The following PHLDB3 variants were observed in gnomAD, a reference collection of about 807,000 sequenced individuals.
The protein encoded by PHLDB3 is pleckstrin homology-like domain family B member 3.
In PHLDB3, 86 loss-of-function variants were observed where a neutral mutation model predicts 85.7. The observed-to-expected ratio is 1.00, with a 90% CI of 0.84 to 1.20. The LOEUF (loss-of-function observed/expected upper bound fraction) is 1.20, where lower values mean the gene tolerates loss of function less well. PHLDB3 is among the 50% of genes most tolerant of loss of function. The probability of loss-of-function intolerance (pLI) is 0.00; values close to 1 mark genes in which losing one functional copy is unlikely to be tolerated. For synonymous variants in PHLDB3, 376 were observed against 349.8 expected, an observed-to-expected ratio of 1.07 and a Z score of -0.83; for missense variants, 995 against 873.0, an observed-to-expected ratio of 1.14 and a Z score of -1.76.
intron 4 of PHLDB3, among the ~76,000 whole-genome samples, chr19:43,499,864 C>T (rs1019820136): frequency 1.3e-5 from 2 of 152,070 alleles, no homozygotes; most frequent in African/African-American, 4.8e-5. Flanking sequence ...CTCAGCCTCC[C>T]GAATAGCTGG....
intron 15 of PHLDB3, among the ~76,000 whole-genome samples, chr19:43,476,330 C>A (rs1212335362): frequency 6.6e-6 from 1 of 152,062 alleles, no homozygotes; most frequent in Non-Finnish European, 1.5e-5. Flanking sequence ...TGGGTTGATG[C>A]GTACCCATTC....
intron 9 of PHLDB3, among the ~76,000 whole-genome samples, chr19:43,492,754 A>G (rs1971350923): frequency 6.6e-6 from 1 of 152,164 alleles, no homozygotes. Context: ...TGCCTATAAC[A>G]TGGAAACAAG....
intron 9 of PHLDB3, among the ~76,000 whole-genome samples, chr19:43,492,005 G>C (rs1371895451): frequency 6.7e-6 from 1 of 148,832 alleles, no homozygotes; most frequent in African/African-American, 2.5e-5. Flanking sequence ...ACCCAGGCTG[G>C]AGAGCAGTGG....
At chr19:43,498,354 G>A (rs564966658) in intron 4 of PHLDB3, among the ~76,000 whole-genome samples, 1 of 149,926 alleles carries the variant, frequency 6.7e-6, no homozygotes, top group African/African-American at 2.5e-5. Flanking sequence ...AAGGAAAGGA[G>A]AAAAGACAGA....
intron 9 of PHLDB3, among the ~76,000 whole-genome samples, chr19:43,489,252 A>G (rs1971256450): frequency 6.6e-6 from 1 of 152,162 alleles, no homozygotes; most frequent in South Asian, 2.1e-4. Context: ...CTGTAGTCCC[A>G]GCTACTCAGG....
Position 43,502,614 on chromosome 19 carries a change from C to CTTTTTTT in PHLDB3, c.214-338_214-332dup, listed in dbSNP as rs71336869. ...CAGGCGCGCACCGCCACGCCAAGCTCTTTTTTTTTTTTTTTTTTTTTGGCA... is the reference window on the plus strand; with the variant it reads ...CAGGCGCGCACCGCCACGCCAAGCTCTTTTTTTTTTTTTTTTTTTTTTTTTTTTGGCA... On this transcript the variant is annotated intron_variant, in intron 2 of 15. Coordinates refer to ENST00000292140, the MANE Select transcript of PHLDB3 (RefSeq NM_198850.4). Among the ~76,000 whole-genome samples the CTTTTTTT allele has an allele frequency of 1.9e-4, 22 of 114,794 alleles. 1 individual carries two copies. Among genetic ancestry groups the CTTTTTTT allele is most frequent in the African/African-American group, 7.4e-4 (21 of 28,276 alleles). 75.3% of individuals were successfully genotyped at this position (114,794 alleles called of 152,430 possible).
rs1971403857 is a variant in PHLDB3, at chr19:43,494,770, C to A, written c.1081G>T (p.Asp361Tyr). Residue 361 changes from aspartate (D) to tyrosine (Y), a missense_variant, in exon 9 of 16, where the codon GAT (aspartate) becomes TAT (tyrosine). Transcript: ENST00000292140. ...GTGGCAGCGGAGTGGGCCACGGCAT[C>A]CTGGAGCACCAGCAGCTGGCGGTCT... is the stretch of plus-strand genomic sequence containing the variant. ...KTDRQLLVLQ[D>Y]AVAHSAATPT... 1 of 1,613,280 alleles carries A rather than the reference C, an allele frequency of 6.2e-7. No homozygotes were observed. Among genetic ancestry groups the A allele is most frequent in the Non-Finnish European group, 8.5e-7 (1 of 1,179,796 alleles).
chr19:43,489,679 A>C (rs1011674944), intron 9 of PHLDB3, among the ~76,000 whole-genome samples: 2 of 152,012 alleles, frequency 1.3e-5, no homozygotes, highest in East Asian at 3.9e-4. Context: ...AGAAAAAAAA[A>C]GTTTGTTTTT....
intron 1 of PHLDB3, 58 bp from the exon 2 acceptor site, chr19:43,504,190 G>T: frequency 1.4e-6 from 2 of 1,434,578 alleles, no homozygotes; most frequent in African/African-American, 1.4e-5. Context: ...GCTGAGCGCC[G>T]CTCGCGTCTG....
At chr19:43,475,804 C>CT (rs925645986) in intron 15 of PHLDB3, among the ~76,000 whole-genome samples, 23 of 149,078 alleles carry the variant, frequency 1.5e-4, no homozygotes, top group Admixed American at 3.3e-4. Context: ...AATTTTTTTT[C>CT]TTTTTTTTTT....
At chr19:43,483,003 C>A (rs983479255) in intron 13 of PHLDB3, among the ~76,000 whole-genome samples, 1 of 152,164 alleles carries the variant, frequency 6.6e-6, no homozygotes, top group Non-Finnish European at 1.5e-5. Flanking sequence ...ACATCAGCTT[C>A]CCCCAAAGGT....
chr19:43,494,902 G>C, intron 8 of PHLDB3, 87 bp from the exon 9 acceptor site: 1 of 903,826 alleles, frequency 1.1e-6, no homozygotes, highest in Non-Finnish European at 1.7e-6. Flanking sequence ...CATGCCTCTA[G>C]TGCCACCCAT....
chr19:43,500,410 G>T (rs1224768057), intron 4 of PHLDB3, among the ~76,000 whole-genome samples: 2 of 152,046 alleles, frequency 1.3e-5, no homozygotes, highest in East Asian at 1.9e-4. Flanking sequence ...ACAGGCATGC[G>T]ATCAGCCATG....
intron 4 of PHLDB3, among the ~76,000 whole-genome samples, chr19:43,498,406 G>A (rs1971515910): frequency 6.7e-6 from 1 of 149,858 alleles, no homozygotes; most frequent in South Asian, 2.1e-4. Flanking sequence ...GAAGGAAGGA[G>A]AGAGAGAAAG....
chr19:43,501,491 G>T, intron 4 of PHLDB3: 1 of 712,966 alleles, frequency 1.4e-6, no homozygotes, highest in South Asian at 1.9e-5. Flanking sequence ...GGCCAGTTTG[G>T]AAGTTTTTAC....
Position 43,475,257 on chromosome 19 carries a change from C to T in PHLDB3, c.*153G>A, listed in dbSNP as rs1202549766. 2 of 1,106,990 alleles carry T rather than the reference C, an allele frequency of 1.8e-6. No homozygotes were observed. The highest frequency in any genetic ancestry group is 3.2e-5 in the African/African-American group (2 of 62,884). 68.6% of individuals were successfully genotyped at this position (1,106,990 alleles called of 1,614,324 possible). A position where few individuals can be genotyped will look rare whatever the true frequency, so the allele number is the denominator to read the frequency against. On this transcript the variant is annotated 3_prime_UTR_variant, in exon 16 of 16. Transcript: ENST00000292140. Reference sequence around the variant, plus strand: ...ACCTGCAACCCAGAACGCAGCAGCTCAGGCCAGCTGAACTGCCGCGCCTGC... The same window carrying T: ...ACCTGCAACCCAGAACGCAGCAGCTTAGGCCAGCTGAACTGCCGCGCCTGC...
chr19:43,486,767 T>G lies in PHLDB3; in HGVS notation c.1340+13A>C, dbSNP rs1411071332. 1.9e-6 allele frequency: 3 copies of G among 1,608,260 alleles called. No individual in the cohort carries two copies. The highest frequency in any genetic ancestry group is 2.5e-6 in the Non-Finnish European group (3 of 1,176,664). ...TCTTCTTCCATCTCCCCACCTTCTCTCTGATGTCTCACCTATTCCCACGGC... is the reference window on the plus strand; with the variant it reads ...TCTTCTTCCATCTCCCCACCTTCTCGCTGATGTCTCACCTATTCCCACGGC... On this transcript the variant is annotated intron_variant, in intron 11 of 15. Transcript: ENST00000292140.
At chr19:43,486,439 T>C (rs947834530) in intron 12 of PHLDB3, 117 bp from the exon 13 acceptor site, 2 of 1,272,790 alleles carry the variant, frequency 1.6e-6, no homozygotes, top group Non-Finnish European at 2.2e-6. Context: ...CCTGGACTCC[T>C]GGGTATGAGG....
chr19:43,494,144 G>A (rs928959615), intron 9 of PHLDB3, among the ~76,000 whole-genome samples: 5 of 152,002 alleles, frequency 3.3e-5, no homozygotes, highest in Admixed American at 1.3e-4. Flanking sequence ...AGTAATTCTC[G>A]TGCCTCAGCC....
Sources: allele counts gnomAD v4.1 joint callset (sites outside exome capture counted in the v4.1 genomes callset), GRCh38; gene constraint gnomAD v4.1.1; transcripts MANE v1.5; gene names NCBI Gene and HGNC (gene_info 2026-07-23, HGNC 2026-07-21).